The following URGCP variants were observed in gnomAD, a reference collection of about 807,000 sequenced individuals.
The protein encoded by URGCP is up-regulator of cell proliferation.
Under a neutral mutation model 24.6 loss-of-function variants are expected in URGCP, and 13 were observed. The observed-to-expected ratio is 0.53, with a 90% confidence interval of 0.34 to 0.84. The LOEUF (loss-of-function observed/expected upper bound fraction) is 0.84. URGCP is among the 40% of genes least tolerant of loss of function. The pLI is 0.01. For synonymous variants in URGCP, 444 were observed against 487.2 expected (o/e 0.91, Z 1.17); for missense variants, 899 against 1,194.3 (o/e 0.75, Z 3.64).
intron 3 of URGCP, among the ~76,000 whole-genome samples, chr7:43,885,705 C>T (rs941227189): frequency 6.6e-5 from 10 of 152,108 alleles, no homozygotes; most frequent in African/African-American, 2.2e-4. Flanking sequence ...AAGGCCATTC[C>T]CTCTCCTCGC....
intron 1 of URGCP, among the ~76,000 whole-genome samples, chr7:43,923,340 A>G (rs1370807113): frequency 4.1e-5 from 6 of 147,726 alleles, no homozygotes; most frequent in Non-Finnish European, 5.9e-5. Context: ...GGGCTGGAGT[A>G]CAGTGGCTCA....
chr7:43,876,400 G>C lies in URGCP; in HGVS notation c.*267C>G, dbSNP rs982229703. 18 of 478,390 alleles carry C rather than the reference G, an allele frequency of 3.8e-5. No homozygotes were observed. Among genetic ancestry groups the C allele is most frequent in the Non-Finnish European group, 6.8e-5 (18 of 265,710 alleles). The allele number at this position is 478,390 out of a possible 1,614,324, so 29.6% of individuals were successfully genotyped here. A position where few individuals can be genotyped will look rare whatever the true frequency, so the allele number is the denominator to read the frequency against. ...AGAGGGCCCACCCCGCAGGATCCTT[G>C]ACAGGAGCTGAGACAGAACAAACTG... On this transcript the variant is annotated 3_prime_UTR_variant, in exon 6 of 6. Coordinates refer to ENST00000453200, the MANE Select transcript of URGCP (RefSeq NM_001077663.3).
intron 1 of URGCP, among the ~76,000 whole-genome samples, chr7:43,891,461 A>G (rs2095870529): frequency 6.6e-6 from 1 of 152,214 alleles, no homozygotes; most frequent in Non-Finnish European, 1.5e-5. Context: ...GCCTTTCTTC[A>G]TGGTCCAGGA....
upstream of URGCP, among the ~76,000 whole-genome samples, chr7:43,907,745 A>T (rs2095905727): frequency 1.3e-5 from 2 of 152,202 alleles, no homozygotes; most frequent in Non-Finnish European, 2.9e-5. Flanking sequence ...TGAAGATTAA[A>T]TGAATTAATA....
intron 1 of URGCP, among the ~76,000 whole-genome samples, chr7:43,893,950 A>G (rs1190690793): frequency 6.6e-6 from 1 of 152,242 alleles, no homozygotes; most frequent in Non-Finnish European, 1.5e-5. Context: ...GAGTAGCTAT[A>G]CTTAGACAAA....
intron 1 of URGCP, among the ~76,000 whole-genome samples, chr7:43,916,595 G>A (rs1211628177): frequency 6.6e-6 from 1 of 152,060 alleles, no homozygotes; most frequent in Non-Finnish European, 1.5e-5. Flanking sequence ...TCATTTCATG[G>A]ATAAAGGTCA....
At chr7:43,901,167 T>G (rs2095889956) in intron 1 of URGCP, among the ~76,000 whole-genome samples, 1 of 152,096 alleles carries the variant, frequency 6.6e-6, no homozygotes, top group African/African-American at 2.4e-5. Flanking sequence ...ACAGCACACT[T>G]GTTGGGGGTG....
At chr7:43,892,331 C>T (rs1482682655) in intron 1 of URGCP, among the ~76,000 whole-genome samples, 1 of 147,680 alleles carries the variant, frequency 6.8e-6, no homozygotes, top group Admixed American at 6.9e-5. Flanking sequence ...TCAAGTGATT[C>T]TCCTGCCTCA....
intron 1 of URGCP, among the ~76,000 whole-genome samples, chr7:43,923,816 A>C (rs191826190): frequency 1.2e-4 from 18 of 152,322 alleles, no homozygotes; most frequent in Admixed American, 3.3e-4. Flanking sequence ...CTTGAAGCAC[A>C]AAAGTTTTAA....
chr7:43,895,658 C>T (rs747444346), intron 1 of URGCP, among the ~76,000 whole-genome samples: 8 of 152,154 alleles, frequency 5.3e-5, no homozygotes, highest in African/African-American at 7.2e-5. Context: ...CTGGATGACA[C>T]GGTGAGACTC....
chr7:43,924,890 C>T (rs1446797975), intron 1 of URGCP, among the ~76,000 whole-genome samples: 1 of 152,132 alleles, frequency 6.6e-6, no homozygotes, highest in African/African-American at 2.4e-5. Flanking sequence ...TCCCAAGTAG[C>T]TGGGACTACA....
At chr7:43,916,386 C>T (rs940081619) in intron 1 of URGCP, among the ~76,000 whole-genome samples, 1 of 152,170 alleles carries the variant, frequency 6.6e-6, no homozygotes, top group African/African-American at 2.4e-5. Flanking sequence ...AATTCCACAG[C>T]TTGACCTTAG....
chr7:43,910,184 G>C (rs1235457410), upstream of URGCP, among the ~76,000 whole-genome samples: 1 of 152,100 alleles, frequency 6.6e-6, no homozygotes, highest in African/African-American at 2.4e-5. Context: ...AGACCAGCCT[G>C]GGCAACATGG....
rs754091250 is a variant in URGCP at position 43,877,448 on chromosome 7, A to T, written c.2015T>A (p.Val672Asp). The change falls in exon 6 of 6, where the codon GTC (valine) becomes GAC (aspartate). Residue 672 changes from valine (V) to aspartate (D), a missense_variant. By Grantham distance (152) the Val-to-Asp change is radical. Transcript: ENST00000453200. ...LIDGSTLSMPVRWVTGLLKEL... is the reference protein window; with the variant it reads ...LIDGSTLSMPDRWVTGLLKEL... ...CTTCAGGAGCCCTGTGACCCAGCGG[A>T]CGGGCATGCTCAGCGTGCTCCCATC... is the stretch of plus-strand genomic sequence containing the variant. 2 of 1,613,644 alleles carry T rather than the reference A, an allele frequency of 1.2e-6. No homozygotes were observed. The highest frequency in any genetic ancestry group is 2.7e-5 in the African/African-American group (2 of 75,046).
upstream of URGCP, among the ~76,000 whole-genome samples, chr7:43,908,670 C>A (rs2095906830): frequency 6.6e-6 from 1 of 152,176 alleles, no homozygotes; most frequent in Non-Finnish European, 1.5e-5. Context: ...AATCTCTGTG[C>A]CCTGATCCAT....
In URGCP at chr7:43,876,374, C is replaced by A; in HGVS notation, c.*293G>T. 2.5e-6 allele frequency: 1 copy of A among 405,434 alleles called. No homozygotes were observed. The highest frequency in any genetic ancestry group is 2.8e-5 in the South Asian group (1 of 35,088). The allele number at this position is 405,434 out of a possible 1,614,324, so 25.1% of individuals were successfully genotyped here. ...GGGCCAGTGACAGAGAGCAGCTATA[C>A]AGAGGGCCCACCCCGCAGGATCCTT... On this transcript the variant is annotated 3_prime_UTR_variant, in exon 6 of 6. Coordinates refer to ENST00000453200, the MANE Select transcript of URGCP (RefSeq NM_001077663.3).
At chr7:43,902,075 A>G (rs543125540) in intron 1 of URGCP, among the ~76,000 whole-genome samples, 35 of 151,370 alleles carry the variant, frequency 2.3e-4, no homozygotes, top group Non-Finnish European at 4.3e-4. Context: ...AGAGGAAAGA[A>G]AAGGAGTGGA....
intron 1 of URGCP, among the ~76,000 whole-genome samples, chr7:43,921,711 G>T (rs1338246288): frequency 6.6e-6 from 1 of 152,114 alleles, no homozygotes; most frequent in Admixed American, 6.6e-5. Context: ...AGAAGGAATG[G>T]ACATGGAAAT....
At chr7:43,918,857 G>C (rs2095918726) in intron 1 of URGCP, 1 of 1,388,538 alleles carries the variant, frequency 7.2e-7, no homozygotes, top group African/African-American at 1.4e-5. Context: ...TTTTCTACCA[G>C]GCAGACGATG....
Sources: allele counts gnomAD v4.1 joint callset (sites outside exome capture counted in the v4.1 genomes callset), GRCh38; gene constraint gnomAD v4.1.1; transcripts MANE v1.5; gene names NCBI Gene and HGNC (gene_info 2026-07-23, HGNC 2026-07-21).